The following PRIMA1 variants were observed in gnomAD, a reference collection of about 807,000 sequenced individuals.
The protein encoded by PRIMA1 is proline-rich membrane anchor 1.
PRIMA1 carries 7 observed loss-of-function variants against 17.5 expected under a neutral mutation model. The observed-to-expected ratio is 0.40, with a 90% CI of 0.23 to 0.75. The LOEUF (loss-of-function observed/expected upper bound fraction) is 0.75. Ranked by LOEUF, PRIMA1 falls within the 30% of genes least tolerant of loss-of-function variation. The pLI, the probability that PRIMA1 is intolerant of heterozygous loss-of-function variation, is 0.37. For synonymous variants in PRIMA1, 97 were observed against 77.9 expected (o/e 1.25, Z -1.29); for missense variants, 200 against 201.8 (o/e 0.99, Z 0.05).
At chr14:93,787,867 A>C in intron 1 of PRIMA1, 118 bp from the exon 2 acceptor site, 1 of 1,201,092 alleles carries the variant, frequency 8.3e-7, no homozygotes, top group South Asian at 1.6e-5. Context: ...GGGGCACCCT[A>C]GTAAACCAAG....
chr14:93,779,356 A>T, intron 2 of PRIMA1, 45 bp from the exon 3 acceptor site: 1 of 1,499,722 alleles, frequency 6.7e-7, no homozygotes, highest in South Asian at 1.4e-5. Context: ...GAAGACCATA[A>T]GGCAACTAGA....
At position 93,718,520 on chromosome 14, in the gene PRIMA1, C is replaced by T. The variant is rs769200049; in HGVS notation, c.*2924G>A. ...TGTCCTCTCTCCAGTACACGCGGCA[C>T]GTTGCTAAGAAGGCAGATTTCAGGA... is the stretch of plus-strand genomic sequence containing the variant. On this transcript the variant is annotated 3_prime_UTR_variant, in exon 5 of 5. Transcript: ENST00000393140. The T allele has an allele frequency of 6.9e-4, 105 of 152,622 alleles. 2 individuals are homozygous for T. Among genetic ancestry groups the T allele is most frequent in the East Asian group, 2.3e-3 (12 of 5,178 alleles). 9.5% of individuals were successfully genotyped at this position (152,622 alleles called of 1,614,324 possible). A position where few individuals can be genotyped will look rare whatever the true frequency, so the allele number is the denominator to read the frequency against.
At chr14:93,759,826 C>G (rs1427401544) in intron 3 of PRIMA1, among the ~76,000 whole-genome samples, 1 of 152,186 alleles carries the variant, frequency 6.6e-6, no homozygotes. Context: ...GGCAGAGGAG[C>G]TTCTAGGAAG....
chr14:93,729,138 C>A lies in PRIMA1; in HGVS notation c.360-7592G>T. ...CGCACTGGCCAAGGAGTCAGAAGATCGAGTCTTGATTCTGGACTAAGCACA... is the reference window on the plus strand; with the variant it reads ...CGCACTGGCCAAGGAGTCAGAAGATAGAGTCTTGATTCTGGACTAAGCACA... On this transcript the variant is annotated intron_variant, in intron 4 of 4. Coordinates refer to ENST00000393140, the MANE Select transcript of PRIMA1 (RefSeq NM_178013.4). Among the ~76,000 whole-genome samples the A allele has an allele frequency of 1.3e-5, 2 of 152,188 alleles. 1 individual carries two copies. The highest frequency in any genetic ancestry group is 6.3e-3 in the Middle Eastern group (2 of 316).
rs866269842 is a variant in PRIMA1, at chr14:93,722,112, G to C, written c.360-566C>G. Among the ~76,000 whole-genome samples the C allele has an allele frequency of 3.4e-4, 5 of 14,796 alleles. 1 individual carries two copies. The highest frequency in any genetic ancestry group is 7.4e-4 in the Admixed American group (1 of 1,358). The allele number at this position is 14,796 out of a possible 152,430, so 9.7% of individuals were successfully genotyped here. A position where few individuals can be genotyped will look rare whatever the true frequency, so the allele number is the denominator to read the frequency against. ...TGCTGGTGGTAATGGGGTGGTGGTGGTAGTGGTGATGCTGGTGGTAATGGG... is the reference window on the plus strand; with the variant it reads ...TGCTGGTGGTAATGGGGTGGTGGTGCTAGTGGTGATGCTGGTGGTAATGGG... On this transcript the variant is annotated intron_variant, in intron 4 of 4. Coordinates refer to ENST00000393140, the MANE Select transcript of PRIMA1 (RefSeq NM_178013.4).
At chr14:93,747,862 T>G (rs1215909964) in intron 3 of PRIMA1, among the ~76,000 whole-genome samples, 1 of 148,684 alleles carries the variant, frequency 6.7e-6, no homozygotes, top group Non-Finnish European at 1.5e-5. Flanking sequence ...TATGAGTGTG[T>G]GTGAGTGGGG....
intron 4 of PRIMA1, among the ~76,000 whole-genome samples, chr14:93,734,014 G>T (rs1050550751): frequency 6.6e-6 from 1 of 152,196 alleles, no homozygotes; most frequent in South Asian, 2.1e-4. Context: ...GTGGGTTTTG[G>T]CAGTATTGGG....
chr14:93,731,874 G>T (rs549116475), intron 4 of PRIMA1, among the ~76,000 whole-genome samples: 1 of 152,288 alleles, frequency 6.6e-6, no homozygotes, highest in African/African-American at 2.4e-5. Context: ...AAAAAGGCTT[G>T]AGCATTCAAA....
chr14:93,748,444 G>A (rs12892762), intron 3 of PRIMA1, among the ~76,000 whole-genome samples: 2 of 152,190 alleles, frequency 1.3e-5, no homozygotes, highest in African/African-American at 2.4e-5. Context: ...GGGCGATAGG[G>A]CCACCCTGGG....
At chr14:93,757,931 G>A (rs1411212268) in intron 3 of PRIMA1, among the ~76,000 whole-genome samples, 1 of 152,210 alleles carries the variant, frequency 6.6e-6, no homozygotes, top group Non-Finnish European at 1.5e-5. Context: ...TCCACCCACA[G>A]GTTCCCTTCG....
intron 3 of PRIMA1, among the ~76,000 whole-genome samples, chr14:93,758,642 C>A (rs1342177344): frequency 6.8e-6 from 1 of 148,132 alleles, no homozygotes; most frequent in Non-Finnish European, 1.5e-5. Context: ...AAATAATCGA[C>A]ATTCAAAAGC....
At chr14:93,768,651 A>G (rs1428708043) in intron 3 of PRIMA1, among the ~76,000 whole-genome samples, 1 of 152,182 alleles carries the variant, frequency 6.6e-6, no homozygotes, top group Non-Finnish European at 1.5e-5. Context: ...CAATAAATCA[A>G]TAAGTAAAGG....
In PRIMA1 at chr14:93,718,346, C is replaced by T. The variant is rs1162973265; in HGVS notation, c.*3098G>A. 6.6e-6 allele frequency: 1 copy of T among 152,160 alleles called. No homozygotes were observed. The highest frequency in any genetic ancestry group is 2.4e-5 in the African/African-American group (1 of 41,372). 9.4% of individuals were successfully genotyped at this position (152,160 alleles called of 1,614,324 possible). The stretch of plus-strand genomic sequence containing the variant: ...AATAAAAAAGTCATGGTGCTTTCTT[C>T]CTCATAAGTGGCATATGGACACCCC... On this transcript the variant is annotated 3_prime_UTR_variant, in exon 5 of 5. Transcript: ENST00000393140.
intron 3 of PRIMA1, among the ~76,000 whole-genome samples, chr14:93,764,059 G>T (rs1387693595): frequency 6.6e-6 from 1 of 151,822 alleles, no homozygotes; most frequent in East Asian, 1.9e-4. Context: ...TACCATGTCT[G>T]GTCGGTCACT....
chr14:93,778,537 T>C (rs1475926072), intron 3 of PRIMA1, among the ~76,000 whole-genome samples: 3 of 152,318 alleles, frequency 2.0e-5, no homozygotes, highest in East Asian at 3.9e-4. Context: ...ATGAACCACG[T>C]GAAATACAGA....
chr14:93,779,292 T>G lies in PRIMA1; in HGVS notation c.113A>C (p.Gln38Pro). Residue 38 changes from glutamine to proline, a missense_variant, in exon 3 of 5, where the codon CAG becomes CCG. By Grantham distance (76) the Gln-to-Pro change is moderately conservative (BLOSUM62 -1). Coordinates refer to ENST00000393140, the MANE Select transcript of PRIMA1 (RefSeq NM_178013.4). The part of the protein sequence containing the change: ...GFVQVTHGEP[Q>P]KSCSKVTDSC... ...GTCAGTCACTTTGGAGCAGGACTTC[T>G]GGGGCTCACCATGCGTCACCTGTAC... 6.4e-7 allele frequency: 1 copy of G among 1,555,042 alleles called. No homozygotes were observed. The highest frequency in any genetic ancestry group is 1.4e-5 in the African/African-American group (1 of 70,834).
intron 4 of PRIMA1, among the ~76,000 whole-genome samples, chr14:93,722,023 T>C (rs2076042196): frequency 1.7e-5 from 1 of 60,486 alleles, no homozygotes. Context: ...GTGATGCTGG[T>C]GGTAATGGGG....
At chr14:93,765,734 C>T (rs766731897) in intron 3 of PRIMA1, among the ~76,000 whole-genome samples, 1 of 151,926 alleles carries the variant, frequency 6.6e-6, no homozygotes, top group Non-Finnish European at 1.5e-5. Context: ...AAATTATGTC[C>T]CTTAGACATT....
At chr14:93,778,645 C>T (rs965422748) in intron 3 of PRIMA1, among the ~76,000 whole-genome samples, 51 of 152,210 alleles carry the variant, frequency 3.4e-4, no homozygotes, top group African/African-American at 1.2e-3. Context: ...AAGAAACGCT[C>T]CTTTGTTTGA....
Sources: allele counts gnomAD v4.1 joint callset (sites outside exome capture counted in the v4.1 genomes callset), GRCh38; gene constraint gnomAD v4.1.1; transcripts MANE v1.5; gene names NCBI Gene and HGNC (gene_info 2026-07-23, HGNC 2026-07-21).